KLF8: variants seen among roughly 807,000 people sequenced by gnomAD.
The protein encoded by KLF8 is Krueppel-like factor 8.
KLF8 carries 10 observed loss-of-function variants against 18.2 expected under a neutral mutation model. The observed-to-expected ratio is 0.55, with a 90% CI of 0.34 to 0.93. The LOEUF is 0.93. Among genes scored for constraint, KLF8 ranks in the 40% least tolerant of loss-of-function variants. The probability of loss-of-function intolerance (pLI) is 0.02; values close to 1 mark genes in which losing one functional copy is unlikely to be tolerated. For synonymous variants in KLF8, 109 were observed against 97.3 expected (o/e 1.12, Z -0.71); for missense variants, 264 against 277.9 (o/e 0.95, Z 0.36).
At chrX:56,103,934 T>C in the KLF8 span, among the ~76,000 whole-genome samples, 1 of 111,460 alleles carries the variant, frequency 9.0e-6, no homozygotes, top group Admixed American at 9.5e-5. Context: ...GCTGTTGAAT[T>C]TTGTCAAAGG....
the KLF8 span, among the ~76,000 whole-genome samples, chrX:55,983,620 C>G: frequency 1.8e-5 from 2 of 112,062 alleles, no homozygotes; most frequent in Admixed American, 1.9e-4. Context: ...TACACATAGT[C>G]TTGCCTAAAT....
At chrX:56,067,140 C>T in the KLF8 span, among the ~76,000 whole-genome samples, 24 of 106,568 alleles carry the variant, frequency 2.3e-4, no homozygotes, top group African/African-American at 7.8e-4. Flanking sequence ...TGTCTACTCA[C>T]TAATTTGGTT....
chrX:56,267,155 C>T (rs1016525953), intron 3 of KLF8: 2 of 752,418 alleles, frequency 2.7e-6, no homozygotes, highest in Non-Finnish European at 3.1e-6. Context: ...ATCAGAGCCA[C>T]TCTAAATAAA....
At chrX:56,116,773 G>C in the KLF8 span, among the ~76,000 whole-genome samples, 1 of 107,155 alleles carries the variant, frequency 9.3e-6, no homozygotes, top group African/African-American at 3.4e-5. Context: ...TACCCTCTTA[G>C]CAGATTTCAT....
the KLF8 span, among the ~76,000 whole-genome samples, chrX:55,933,968 T>A: frequency 1.8e-5 from 2 of 112,130 alleles, no homozygotes; most frequent in African/African-American, 6.5e-5. Flanking sequence ...CTTTTATAAG[T>A]TTATGTCAAT....
chrX:56,133,127 A>G, the KLF8 span, among the ~76,000 whole-genome samples: 1 of 111,863 alleles, frequency 8.9e-6, no homozygotes, highest in Non-Finnish European at 1.9e-5. Flanking sequence ...ACTATGCCAC[A>G]AAACAGAGAA....
the KLF8 span, among the ~76,000 whole-genome samples, chrX:55,997,229 C>T: frequency 1.3e-4 from 14 of 111,877 alleles, no homozygotes; most frequent in Admixed American, 1.3e-3. Flanking sequence ...ATGTCCAGGT[C>T]CAACAGTTAA....
At chrX:56,057,146 A>G in the KLF8 span, among the ~76,000 whole-genome samples, 2 of 111,560 alleles carry the variant, frequency 1.8e-5, no homozygotes, top group African/African-American at 6.5e-5. Context: ...TGGTGTTGGC[A>G]TGGGGTTGGA....
the KLF8 span, among the ~76,000 whole-genome samples, chrX:56,129,574 T>C: frequency 1.8e-5 from 2 of 111,179 alleles, no homozygotes; most frequent in Admixed American, 1.9e-4. Flanking sequence ...AGGAGTCCTG[T>C]GGGAGGGCTG....
chrX:56,155,595 A>AC, the KLF8 span, among the ~76,000 whole-genome samples: 1 of 111,903 alleles, frequency 8.9e-6, no homozygotes, highest in African/African-American at 3.2e-5. Context: ...CCTAGAACTT[A>AC]AAGTATAATA....
the KLF8 span, among the ~76,000 whole-genome samples, chrX:56,188,700 C>G: frequency 9.0e-6 from 1 of 111,559 alleles, no homozygotes; most frequent in Non-Finnish European, 1.9e-5. Context: ...GAATAGAGCC[C>G]TCAGAAATAA....
the KLF8 span, among the ~76,000 whole-genome samples, chrX:55,959,703 A>G: frequency 2.7e-5 from 3 of 111,994 alleles, no homozygotes; most frequent in South Asian, 7.5e-4. Flanking sequence ...TAAAAAAAGA[A>G]TAAAAATGAA....
At chrX:56,052,536 G>A in the KLF8 span, among the ~76,000 whole-genome samples, 61 of 111,961 alleles carry the variant, frequency 5.4e-4, no homozygotes, top group African/African-American at 1.9e-3. Context: ...CGTGTGAGGT[G>A]TCAGTGTGCC....
At chrX:56,029,361 G>A in the KLF8 span, among the ~76,000 whole-genome samples, 10 of 111,595 alleles carry the variant, frequency 9.0e-5, no homozygotes, top group Admixed American at 5.7e-4. Flanking sequence ...AAGGCAAGGG[G>A]CAGTCAGGCA....
In KLF8 at chrX:56,232,793, A is replaced by G. The variant is rs1459923221; in HGVS notation, c.-542A>G. ...CTTGAAGGATTTCTTCTCCGCCTCAACTTTATGTTCAAGTAGCGCTTTGGG... is the reference window on the plus strand; with the variant it reads ...CTTGAAGGATTTCTTCTCCGCCTCAGCTTTATGTTCAAGTAGCGCTTTGGG... On this transcript the variant is annotated 5_prime_UTR_variant, in exon 1 of 6. Coordinates refer to ENST00000468660, the MANE Select transcript of KLF8 (RefSeq NM_007250.5). The G allele has an allele frequency of 8.8e-6, 1 of 114,205 alleles. No homozygotes were observed. Among genetic ancestry groups the G allele is most frequent in the African/African-American group, 3.3e-5 (1 of 30,527 alleles). The allele number at this position is 114,205 out of a possible 1,213,427, so 9.4% of individuals were successfully genotyped here.
At chrX:55,972,354 A>C in the KLF8 span, among the ~76,000 whole-genome samples, 4 of 110,940 alleles carry the variant, frequency 3.6e-5, no homozygotes, top group South Asian at 1.5e-3. Context: ...ATTCATGGAG[A>C]TAGAGAGTGG....
At chrX:56,007,894 A>G in the KLF8 span, among the ~76,000 whole-genome samples, 2 of 110,879 alleles carry the variant, frequency 1.8e-5, no homozygotes, top group Non-Finnish European at 3.8e-5. Flanking sequence ...GCAAACCACC[A>G]TGGCAAATGT....
the KLF8 span, among the ~76,000 whole-genome samples, chrX:56,143,488 G>T: frequency 8.9e-6 from 1 of 112,160 alleles, no homozygotes; most frequent in African/African-American, 3.2e-5. Flanking sequence ...TAATATGTCT[G>T]CCAGTGTCTA....
chrX:55,960,772 C>T, the KLF8 span, among the ~76,000 whole-genome samples: 1 of 112,098 alleles, frequency 8.9e-6, no homozygotes, highest in Admixed American at 9.4e-5. Context: ...TGTAGAGGAA[C>T]TATGCAATCA....
Sources: allele counts gnomAD v4.1 joint callset (sites outside exome capture counted in the v4.1 genomes callset), GRCh38; gene constraint gnomAD v4.1.1; transcripts MANE v1.5; gene names NCBI Gene and HGNC (gene_info 2026-07-23, HGNC 2026-07-21).